The following BMX variants were observed in gnomAD, a reference collection of about 807,000 sequenced individuals.
BMX encodes the protein BMX non-receptor tyrosine kinase.
A neutral mutation model predicts 59.2 loss-of-function variants in BMX; 31 were observed. That is an observed-to-expected ratio of 0.52 (90% confidence interval 0.39 to 0.71). The LOEUF (loss-of-function observed/expected upper bound fraction) is 0.71. Among genes scored for constraint, BMX ranks in the 30% least tolerant of loss-of-function variants. The pLI is 0.00. For synonymous variants in BMX, 185 were observed against 181.0 expected, an observed-to-expected ratio of 1.02 and a Z score of -0.18; for missense variants, 474 against 491.7, an observed-to-expected ratio of 0.96 and a Z score of 0.34.
At chrX:15,525,213 CA>C (rs753770612) in intron 7 of BMX, 74 bp from the exon 8 acceptor site, 5 of 998,531 alleles carry the variant, frequency 5.0e-6, no homozygotes, top group Non-Finnish European at 6.9e-6. Flanking sequence ...CATATCTGAA[CA>C]AAATTACTTT....
intron 14 of BMX, among the ~76,000 whole-genome samples, chrX:15,540,347 C>T (rs774922922): frequency 1.3e-4 from 14 of 109,071 alleles, no homozygotes; most frequent in African/African-American, 3.0e-4. Context: ...AACCGAACAC[C>T]GCATGTTCTC....
At chrX:15,538,014 T>A (rs1357777062) in intron 14 of BMX, among the ~76,000 whole-genome samples, 4 of 110,747 alleles carry the variant, frequency 3.6e-5, no homozygotes, top group Non-Finnish European at 5.7e-5. Flanking sequence ...ACCAACAATA[T>A]CCTTTTCCTT....
chrX:15,532,364 G>A (rs1349921498), intron 11 of BMX, among the ~76,000 whole-genome samples: 1 of 110,784 alleles, frequency 9.0e-6, no homozygotes, highest in Non-Finnish European at 1.9e-5. Flanking sequence ...TGGGAAAGCT[G>A]TTTTTATTTA....
Position 15,556,251 on chromosome X carries a change from A to G in BMX, c.*104A>G. ...GCATAATGTAATTTAGCTAGTTTTT[A>G]ATAGTGTTCTCTGTATTGTCTATTA... On this transcript the variant is annotated 3_prime_UTR_variant, in exon 19 of 19. Coordinates refer to ENST00000348343, the MANE Select transcript of BMX (RefSeq NM_203281.3). 1.4e-6 allele frequency: 1 copy of G among 719,624 alleles called. No homozygotes were observed. The allele number at this position is 719,624 out of a possible 1,213,427, so 59.3% of individuals were successfully genotyped here.
At chrX:15,526,847 A>G (rs906291776) in intron 9 of BMX, among the ~76,000 whole-genome samples, 1 of 110,806 alleles carries the variant, frequency 9.0e-6, no homozygotes. Flanking sequence ...CGGCCTCCCA[A>G]AGTGCTGGGA....
chrX:15,522,273 T>A, intron 6 of BMX, 73 bp from the exon 7 acceptor site: 1 of 1,110,849 alleles, frequency 9.0e-7, no homozygotes, highest in Non-Finnish European at 1.2e-6. Flanking sequence ...AGAGCTGATA[T>A]ACTTAATTGT....
At position 15,522,446 on chromosome X, in the gene BMX, C is replaced by T. The variant is rs976979984; in HGVS notation, c.611C>T (p.Ser204Phe). Residue 204 changes from serine (S) to phenylalanine (F), a missense_variant, in exon 7 of 19, where the codon TCC becomes TTC. Coordinates refer to ENST00000348343, the MANE Select transcript of BMX (RefSeq NM_203281.3). Reference sequence around the variant, plus strand: ...AACGAATCAAAGAAAAACTATGGCTCCCAGCCACCATCTTCAAGTACCAGT... The same window carrying T: ...AACGAATCAAAGAAAAACTATGGCTTCCAGCCACCATCTTCAAGTACCAGT... Reference protein sequence around the residue: ...YDNESKKNYGSQPPSSSTSLA... With the variant: ...YDNESKKNYGFQPPSSSTSLA... 1.6e-6 allele frequency: 2 copies of T among 1,212,167 alleles called. No individual in the cohort carries two copies. Among genetic ancestry groups the T allele is most frequent in the African/African-American group, 3.5e-5 (2 of 57,937 alleles).
chrX:15,507,469 C>A, intron 1 of BMX: 1 of 543,858 alleles, frequency 1.8e-6, no homozygotes, highest in Non-Finnish European at 2.2e-6. Flanking sequence ...CATGTGAATT[C>A]AAATAACGAT....
chrX:15,503,914 A>G (rs184790117), intron 1 of BMX, among the ~76,000 whole-genome samples: 80 of 112,002 alleles, frequency 7.1e-4, no homozygotes, highest in Non-Finnish European at 1.2e-3. Flanking sequence ...GGCTGGGAGT[A>G]TCACAAAATA....
intron 18 of BMX, among the ~76,000 whole-genome samples, chrX:15,555,676 A>G (rs1926400785): frequency 8.9e-6 from 1 of 111,763 alleles, no homozygotes; most frequent in Non-Finnish European, 1.9e-5. Context: ...TACTGTAGGT[A>G]TATGTGAAGG....
chrX:15,525,691 A>AT (rs1336123516), intron 8 of BMX, among the ~76,000 whole-genome samples: 107 of 110,633 alleles, frequency 9.7e-4, no homozygotes, highest in African/African-American at 2.7e-3. Flanking sequence ...ACACAACCCA[A>AT]TTTTTTTTTA....
intron 16 of BMX, among the ~76,000 whole-genome samples, chrX:15,546,211 A>G (rs181221167): frequency 2.7e-3 from 303 of 112,159 alleles, no homozygotes; most frequent in African/African-American, 9.1e-3. Flanking sequence ...TTTGGTCTTG[A>G]TATCTCCATA....
intron 1 of BMX, among the ~76,000 whole-genome samples, chrX:15,505,069 T>C (rs1923691693): frequency 8.9e-6 from 1 of 112,593 alleles, no homozygotes; most frequent in South Asian, 3.6e-4. Context: ...GCCCTGTTTA[T>C]TTATTGTCAC....
chrX:15,511,361 A>G, intron 3 of BMX, 76 bp from the exon 4 acceptor site: 1 of 860,367 alleles, frequency 1.2e-6, no homozygotes, highest in Admixed American at 3.1e-5. Flanking sequence ...CTTTTGGATG[A>G]CAAAAAATTT....
rs150053989 is a variant in BMX, at chrX:15,518,155, G to A, written c.510+162G>A. On this transcript the variant is annotated intron_variant, in intron 6 of 18. Coordinates refer to ENST00000348343, the MANE Select transcript of BMX (RefSeq NM_203281.3). ...ATAGCTATGGGTGGTATTGAATAGC[G>A]GATTCAAATATAGAACCATTGTAAT... 4.3e-4 allele frequency among the ~76,000 whole-genome samples: 48 copies of A among 110,874 alleles called. No homozygotes were observed. The East Asian group carries it at 0.012, about 28-fold the overall frequency.
At chrX:15,524,555 T>A (rs1417749336) in intron 7 of BMX, among the ~76,000 whole-genome samples, 1 of 112,216 alleles carries the variant, frequency 8.9e-6, no homozygotes, top group Non-Finnish European at 1.9e-5. Context: ...ATAAAAGCTA[T>A]TCTAGTGGGC....
intron 18 of BMX, among the ~76,000 whole-genome samples, chrX:15,554,837 T>C (rs1926352708): frequency 9.0e-6 from 1 of 111,563 alleles, no homozygotes; most frequent in Non-Finnish European, 1.9e-5. Flanking sequence ...ACCACCTTAA[T>C]GGTGGTGAAA....
chrX:15,550,398 C>T (rs1926136651), intron 18 of BMX, among the ~76,000 whole-genome samples: 2 of 110,149 alleles, frequency 1.8e-5, no homozygotes, highest in South Asian at 3.9e-4. Flanking sequence ...CTATGGAGCT[C>T]CTCGAGTAGA....
chrX:15,551,538 T>C (rs1883752821), intron 18 of BMX, among the ~76,000 whole-genome samples: 1 of 57,335 alleles, frequency 1.7e-5, no homozygotes, highest in Non-Finnish European at 3.5e-5. Context: ...TGTATATATA[T>C]ATATATTTTT....
Sources: allele counts gnomAD v4.1 joint callset (sites outside exome capture counted in the v4.1 genomes callset), GRCh38; gene constraint gnomAD v4.1.1; transcripts MANE v1.5; gene names NCBI Gene and HGNC (gene_info 2026-07-23, HGNC 2026-07-21).